The following ZNF605 variants were observed in gnomAD, a reference collection of about 807,000 sequenced individuals.
ZNF605 encodes the protein zinc finger protein 605.
In ZNF605, 9 loss-of-function variants were observed where a neutral mutation model predicts 7.9. The ratio of observed to expected loss-of-function variants is 1.14; its 90% CI spans 0.68 to 1.98. ZNF605 has a LOEUF of 1.98. Ranked by LOEUF, ZNF605 falls within the 30% of genes most tolerant of loss-of-function variation. ZNF605 has a pLI of 0.00. For missense variants in ZNF605, 673 were observed against 762.4 expected (o/e 0.88, Z 1.38); for synonymous variants, 255 against 260.1 (o/e 0.98, Z 0.19).
rs914256820 is a variant in ZNF605 at position 132,956,286 on chromosome 12, G to A, written c.-329C>T. ...CCGCGGCGGACACGGCCCGATCGGG[G>A]ACGTGAACGCGCAGAACTACATTTC... On this transcript the variant is annotated 5_prime_UTR_variant, in exon 1 of 5. Transcript: ENST00000360187. 1 of 152,128 alleles carries A rather than the reference G, an allele frequency of 6.6e-6. No homozygotes were observed. Among genetic ancestry groups the A allele is most frequent in the African/African-American group, 2.4e-5 (1 of 41,434 alleles). 9.4% of individuals were successfully genotyped at this position (152,128 alleles called of 1,614,324 possible). A position where few individuals can be genotyped will look rare whatever the true frequency, so the allele number is the denominator to read the frequency against.
At chr12:132,940,335 CCT>C (rs1952423132) in intron 3 of ZNF605, among the ~76,000 whole-genome samples, 2 of 152,184 alleles carry the variant, frequency 1.3e-5, no homozygotes, top group Admixed American at 6.5e-5. Context: ...TTTTAAAACT[CCT>C]CTGAGGAAGC....
intron 4 of ZNF605, 162 bp downstream of exon 4, chr12:132,932,873 G>A (rs1258466147): frequency 8.0e-6 from 11 of 1,380,056 alleles, no homozygotes; most frequent in Admixed American, 2.6e-5. Context: ...TATGTAGAAT[G>A]TTTTATTATA....
chr12:132,956,009 C>T (rs1218642204), intron 1 of ZNF605, among the ~76,000 whole-genome samples: 1 of 150,064 alleles, frequency 6.7e-6, no homozygotes, highest in African/African-American at 2.4e-5. Context: ...CCCCACCCCA[C>T]CCTCTGCCTC....
At position 132,925,380 on chromosome 12, in the gene ZNF605, A is replaced by G; in HGVS notation, c.1919T>C (p.Ile640Thr). The change falls in exon 5 of 5, where the codon ATA becomes ACA. Residue 640 changes from isoleucine to threonine, a missense_variant. Coordinates refer to ENST00000360187, the MANE Select transcript of ZNF605 (RefSeq NM_183238.4). ...TCGCCAAAGTCATGATTTTTATATT[A>G]TATGATTTCTCTGATGTATCATAAG... The part of the protein sequence containing the change: ...SQLMIHQRNH[I>T]I 6.4e-7 allele frequency: 1 copy of G among 1,574,626 alleles called. No individual in the cohort carries two copies. The highest frequency in any genetic ancestry group is 8.6e-7 in the Non-Finnish European group (1 of 1,160,422).
chr12:132,925,226 T>C lies in ZNF605; in HGVS notation c.*147A>G. On this transcript the variant is annotated 3_prime_UTR_variant, in exon 5 of 5. Transcript: ENST00000360187. The stretch of plus-strand genomic sequence containing the variant: ...CTTTTTAAAAACTTCTCTTTCTAAA[T>C]TCTGCTTAGTGACTCTTGACTCCTC... 1.8e-6 allele frequency: 1 copy of C among 570,062 alleles called. No individual in the cohort carries two copies. Among genetic ancestry groups the C allele is most frequent in the Non-Finnish European group, 2.9e-6 (1 of 340,026 alleles). 35.3% of individuals were successfully genotyped at this position (570,062 alleles called of 1,614,324 possible).
In ZNF605 at chr12:132,951,360, T is replaced by C. The variant is rs1452853257; in HGVS notation, c.-285-3090A>G. On this transcript the variant is annotated intron_variant, in intron 1 of 4. Transcript: ENST00000360187. The stretch of plus-strand genomic sequence containing the variant: ...ACACACACAGACACGTACACACAGA[T>C]ACACACGTACATCACACATATACGT... 4.0e-5 allele frequency among the ~76,000 whole-genome samples: 6 copies of C among 148,698 alleles called. No individual in the cohort carries two copies. In the Middle Eastern group the frequency reaches 0.018, roughly 446 times the overall value.
intron 1 of ZNF605, among the ~76,000 whole-genome samples, chr12:132,950,488 C>T (rs1459282299): frequency 2.0e-5 from 3 of 151,678 alleles, no homozygotes; most frequent in South Asian, 2.1e-4. Context: ...CACACACAGA[C>T]GCACACGTAC....
intron 4 of ZNF605, among the ~76,000 whole-genome samples, chr12:132,927,934 C>T (rs1051654163): frequency 1.5e-3 from 223 of 152,110 alleles, no homozygotes; most frequent in Non-Finnish European, 2.0e-3. Flanking sequence ...GGATTACAGG[C>T]GTGAGCCACC....
In ZNF605 at chr12:132,946,357, A is replaced by G. The variant is rs1415819514; in HGVS notation, c.-162-560T>C. ...AATGTAAGAGTAAAAAAAGAAAAAC[A>G]GACACCCCTGGGCAGACGCAGGCTG... On this transcript the variant is annotated intron_variant, in intron 2 of 4. Coordinates refer to ENST00000360187, the MANE Select transcript of ZNF605 (RefSeq NM_183238.4). 6.0e-4 allele frequency among the ~76,000 whole-genome samples: 92 copies of G among 152,232 alleles called. 1 individual carries two copies. The highest frequency in any genetic ancestry group is 6.0e-3 in the Admixed American group (92 of 15,288).
rs748171496 is a variant in ZNF605, at chr12:132,933,038, A to G, written c.133T>C (p.Leu45=). 7.6e-6 allele frequency: 12 copies of G among 1,587,856 alleles called. No individual in the cohort carries two copies. The highest frequency in any genetic ancestry group is 1.0e-5 in the Non-Finnish European group (12 of 1,164,624). Residue 45 remains leucine, a synonymous_variant, in exon 4 of 5, where the codon TTG becomes CTG. Transcript: ENST00000360187. The surrounding 1 kb of genome is among the most constrained non-coding windows in gnomAD (Gnocchi z 4.4). ...AGTTACATAAGAATGTTCTTACCCAAGAAAACCAGATTGCTATAGTTCTCC... is the reference window on the plus strand; with the variant it reads ...AGTTACATAAGAATGTTCTTACCCAGGAAAACCAGATTGCTATAGTTCTCC... ...MLENYSNLVF[L]EVWLDNPKMW...
In ZNF605 at chr12:132,927,057, G is replaced by C. The variant is rs1952254450; in HGVS notation, c.242C>G (p.Ser81Ter). 1.2e-6 allele frequency: 2 copies of C among 1,604,000 alleles called. No individual in the cohort carries two copies. The highest frequency in any genetic ancestry group is 8.5e-7 in the Non-Finnish European group (1 of 1,179,434). ...TCCTACATGAACAATGTTTATGCTTGAATTAAATATTTTTCCAAAAACATC... is the reference window on the plus strand; with the variant it reads ...TCCTACATGAACAATGTTTATGCTTCAATTAAATATTTTTCCAAAAACATC... ...KYDVFGKIFN[S>*]SINIVHVGLR... Residue 81 changes from serine (S) to a stop codon, truncating the protein, a stop_gained, in exon 5 of 5, where the codon TCA becomes TGA. Transcript: ENST00000360187. LOFTEE classifies it low-confidence loss of function (END_TRUNC).
chr12:132,926,524 C>T lies in ZNF605; in HGVS notation c.775G>A (p.Gly259Arg), dbSNP rs1952249414. Reference protein sequence around the residue: ...GEKPYGCSECGKAFSRKSQLK... With the variant: ...GEKPYGCSECRKAFSRKSQLK... ...TGCGACTTCCTACTGAAGGCTTTTC[C>T]ACATTCACTGCATCCATACGGCTTC... Residue 259 changes from glycine (G) to arginine (R), a missense_variant, in exon 5 of 5, where the codon GGA becomes AGA. Coordinates refer to ENST00000360187, the MANE Select transcript of ZNF605 (RefSeq NM_183238.4). The T allele has an allele frequency of 6.2e-7, 1 of 1,614,066 alleles. No individual in the cohort carries two copies. Among genetic ancestry groups the T allele is most frequent in the East Asian group, 2.2e-5 (1 of 44,892 alleles).
intron 4 of ZNF605, 113 bp from the exon 5 acceptor site, chr12:132,927,275 A>C: frequency 4.4e-6 from 3 of 685,326 alleles, no homozygotes; most frequent in Non-Finnish European, 6.7e-6. Flanking sequence ...CCCTCAAATA[A>C]TGTGTACTTA....
At position 132,927,046 on chromosome 12, in the gene ZNF605, T is replaced by C; in HGVS notation, c.253A>G (p.Ile85Val). The C allele has an allele frequency of 6.2e-7, 1 of 1,606,952 alleles. No homozygotes were observed. The highest frequency in any genetic ancestry group is 8.5e-7 in the Non-Finnish European group (1 of 1,179,826). The change falls in exon 5 of 5, where the codon ATT becomes GTT. Residue 85 changes from isoleucine (I) to valine (V), a missense_variant. By Grantham distance (29) the Ile-to-Val change is conservative. Coordinates refer to ENST00000360187, the MANE Select transcript of ZNF605 (RefSeq NM_183238.4). ...TGGGATCGCAGTCCTACATGAACAA[T>C]GTTTATGCTTGAATTAAATATTTTT... ...FGKIFNSSIN[I>V]VHVGLRSHKC...
intron 3 of ZNF605, among the ~76,000 whole-genome samples, chr12:132,944,123 T>C (rs1241174872): frequency 6.6e-6 from 1 of 152,210 alleles, no homozygotes; most frequent in Non-Finnish European, 1.5e-5. Context: ...GTTGTTGTCC[T>C]ACATGTCAAC....
At chr12:132,954,586 C>G (rs993978254) in intron 1 of ZNF605, among the ~76,000 whole-genome samples, 1 of 150,576 alleles carries the variant, frequency 6.6e-6, no homozygotes, top group Admixed American at 6.6e-5. Flanking sequence ...CTGAGGCTTG[C>G]GCCACAGACC....
intron 3 of ZNF605, among the ~76,000 whole-genome samples, chr12:132,942,145 C>T (rs368546383): frequency 0.025 from 3,755 of 152,226 alleles, 151 homozygotes; most frequent in African/African-American, 0.085. Context: ...TTGATTACTA[C>T]ATGGGACACA....
intron 3 of ZNF605, among the ~76,000 whole-genome samples, chr12:132,937,359 C>CA (rs56281488): frequency 0.033 from 2,859 of 86,646 alleles, 78 homozygotes; most frequent in African/African-American, 0.058. Flanking sequence ...AACTCTGTCT[C>CA]AAAAAAAAAA....
intron 1 of ZNF605, among the ~76,000 whole-genome samples, chr12:132,951,933 TAC>T (rs1952576252): frequency 6.6e-6 from 1 of 150,884 alleles, no homozygotes; most frequent in Non-Finnish European, 1.5e-5. Flanking sequence ...CATCACACAA[TAC>T]ACATTCCCAC....
Sources: gnomAD v4.1 joint callset for allele counts (sites outside exome capture counted in the v4.1 genomes callset) on GRCh38, gnomAD v4.1.1 for gene constraint, Gnocchi (gnomAD v3.1) non-coding constraint, MANE v1.5 for transcripts, NCBI Gene and HGNC (gene_info 2026-07-23, HGNC 2026-07-21) for gene names.